The following CNIH3 variants were observed in gnomAD, a reference collection of about 807,000 sequenced individuals.
CNIH3 encodes the protein protein cornichon homolog 3.
Under a neutral mutation model 24.1 loss-of-function variants are expected in CNIH3, and 14 were observed. That is an observed-to-expected ratio of 0.58 (90% CI 0.38 to 0.91). The LOEUF is 0.91. Among genes scored for constraint, CNIH3 ranks in the 40% least tolerant of loss-of-function variants. The probability of loss-of-function intolerance (pLI) is 0.00; values close to 1 mark genes in which losing one functional copy is unlikely to be tolerated. For missense variants in CNIH3, 178 were observed against 196.8 expected (o/e 0.90, Z 0.57); for synonymous variants, 68 against 73.8 (o/e 0.92, Z 0.40).
intron 3 of CNIH3, among the ~76,000 whole-genome samples, chr1:224,709,268 T>G (rs1032804099): frequency 6.6e-5 from 10 of 152,186 alleles, no homozygotes; most frequent in African/African-American, 2.4e-4. Context: ...TCCTGCTCTC[T>G]CTCTCTCTCT....
intron 1 of CNIH3, among the ~76,000 whole-genome samples, chr1:224,660,232 A>G (rs938705054): frequency 1.3e-5 from 2 of 152,214 alleles, no homozygotes; most frequent in African/African-American, 4.8e-5. Context: ...GGTGGAAGAC[A>G]AGGAGTCAGT....
At chr1:224,514,522 T>C (rs1341233698), upstream of CNIH3, among the ~76,000 whole-genome samples, 1 of 152,194 alleles carries the variant, frequency 6.6e-6, no homozygotes, top group Non-Finnish European at 1.5e-5. Context: ...CAAATACATA[T>C]TAAGATAAAG....
At chr1:224,556,784 C>G (rs1680157626) in intron 3 of CNIH3, among the ~76,000 whole-genome samples, 1 of 152,184 alleles carries the variant, frequency 6.6e-6, no homozygotes, top group Admixed American at 6.5e-5. Context: ...GGCCTGGTTC[C>G]TAACACGCCA....
At chr1:224,569,634 C>T (rs113123661) in intron 4 of CNIH3, among the ~76,000 whole-genome samples, 4,446 of 152,234 alleles carry the variant, frequency 0.029, 221 homozygotes, top group African/African-American at 0.099. Context: ...CCAGTTGACA[C>T]TCTCACCAGC....
At chr1:224,601,641 A>G (rs1171629205) in intron 3 of CNIH3, among the ~76,000 whole-genome samples, 3 of 152,282 alleles carry the variant, frequency 2.0e-5, no homozygotes, top group Admixed American at 6.5e-5. Context: ...TAACACTAGG[A>G]TGAGAGCCCT....
chr1:224,624,184 T>G (rs1191225697), intron 1 of CNIH3, among the ~76,000 whole-genome samples: 1 of 152,214 alleles, frequency 6.6e-6, no homozygotes, highest in Admixed American at 6.5e-5. Context: ...GATGAGGACA[T>G]CAGTGGTCTG....
chr1:224,489,695 T>A (rs1677166366), intron 1 of CNIH3, among the ~76,000 whole-genome samples: 1 of 152,240 alleles, frequency 6.6e-6, no homozygotes, highest in Admixed American at 6.5e-5. Flanking sequence ...GGTGTCTTAG[T>A]CCATTTGGGC....
At chr1:224,652,138 C>T (rs758712444) in intron 1 of CNIH3, among the ~76,000 whole-genome samples, 1 of 152,072 alleles carries the variant, frequency 6.6e-6, no homozygotes, top group Non-Finnish European at 1.5e-5. Context: ...GGATTTCGAC[C>T]TGGGATTTCT....
chr1:224,491,828 G>A (rs954107015), intron 1 of CNIH3, among the ~76,000 whole-genome samples: 19 of 152,062 alleles, frequency 1.2e-4, no homozygotes, highest in Admixed American at 5.2e-4. Context: ...GACTGGTCTC[G>A]AACTCCTGAC....
chr1:224,673,438 C>T (rs943811235), intron 1 of CNIH3, among the ~76,000 whole-genome samples: 1 of 152,168 alleles, frequency 6.6e-6, no homozygotes, highest in Non-Finnish European at 1.5e-5. Context: ...TTCCATGCCT[C>T]ACACCTGCCA....
chr1:224,575,537 T>G, intron 4 of CNIH3: 2 of 484,518 alleles, frequency 4.1e-6, no homozygotes, highest in South Asian at 4.5e-5. Flanking sequence ...TCTAGCTTGA[T>G]GTTGGATCTG....
At chr1:224,449,154 T>TG (rs1675285087) in intron 1 of CNIH3, among the ~76,000 whole-genome samples, 1 of 151,708 alleles carries the variant, frequency 6.6e-6, no homozygotes, top group African/African-American at 2.4e-5. Context: ...TTAGTAGAGA[T>TG]GGGGTTTCAC....
At chr1:224,502,160 T>C (rs1176677899) in intron 1 of CNIH3, among the ~76,000 whole-genome samples, 1 of 152,116 alleles carries the variant, frequency 6.6e-6, no homozygotes, top group Non-Finnish European at 1.5e-5. Flanking sequence ...AGTGAAGCCC[T>C]GGTTTTCTTG....
chr1:224,434,706 G>T, exon 1 of CNIH3: 1 of 948,292 alleles, frequency 1.1e-6, no homozygotes, highest in Non-Finnish European at 1.3e-6. Flanking sequence ...CGGCGGCGGC[G>T]GGCGGCAGCG....
In CNIH3 at chr1:224,457,269, CTCTCTCTGTGTGTG is replaced by C. The variant is rs1470713840; in HGVS notation, n.203+22409_203+22422del. 2.2e-3 allele frequency among the ~76,000 whole-genome samples: 229 copies of C among 104,686 alleles called. 2 individuals are homozygous for C. Among genetic ancestry groups the C allele is most frequent in the Middle Eastern group, 0.01 (2 of 196 alleles). 68.7% of individuals were successfully genotyped at this position (104,686 alleles called of 152,430 possible). ...GATGGCCGTAGCTGAGCCCTCCTCT[CTCTCTCTGTGTGTG>C]TGTGTGTGTGTGTGTGTGTGTGTGT... On this transcript the variant is annotated intron_variant and non_coding_transcript_variant, in intron 1 of 5. Transcript: ENST00000471578.
chr1:224,509,349 G>A (rs1205836126), intron 1 of CNIH3, among the ~76,000 whole-genome samples: 1 of 152,032 alleles, frequency 6.6e-6, no homozygotes, highest in Non-Finnish European at 1.5e-5. Flanking sequence ...AAAGAAGAAG[G>A]GAAAGAAGAA....
chr1:224,630,550 C>G (rs941361474), intron 1 of CNIH3, among the ~76,000 whole-genome samples: 1 of 151,476 alleles, frequency 6.6e-6, no homozygotes, highest in Non-Finnish European at 1.5e-5. Context: ...ATGCACATCC[C>G]ACACTTACCT....
At chr1:224,592,538 C>T (rs747124482), downstream of CNIH3, among the ~76,000 whole-genome samples, 3 of 152,174 alleles carry the variant, frequency 2.0e-5, no homozygotes, top group South Asian at 4.1e-4. Flanking sequence ...ATGGCACACC[C>T]GCTCGTGGCT....
chr1:224,655,350 A>G (rs1472163760), intron 1 of CNIH3, among the ~76,000 whole-genome samples: 1 of 152,134 alleles, frequency 6.6e-6, no homozygotes, highest in Non-Finnish European at 1.5e-5. Flanking sequence ...GGAAGGCCAG[A>G]TGGTGCATTC....
Sources: gnomAD v4.1 joint callset for allele counts (sites outside exome capture counted in the v4.1 genomes callset) on GRCh38, gnomAD v4.1.1 for gene constraint, MANE v1.5 for transcripts, NCBI Gene and HGNC (gene_info 2026-07-23, HGNC 2026-07-21) for gene names.